ATP4A: variants seen among roughly 807,000 people sequenced by gnomAD.
ATP4A encodes ATPase H+/K+ transporting subunit alpha, also known as potassium-transporting ATPase alpha chain 1.
Under a neutral mutation model 112.1 loss-of-function variants are expected in ATP4A, and 73 were observed. The observed-to-expected ratio is 0.65, with a 90% CI of 0.54 to 0.79. ATP4A has a LOEUF of 0.79. Among genes scored for constraint, ATP4A ranks in the 30% least tolerant of loss-of-function variants. The probability of loss-of-function intolerance (pLI) is 0.00; values close to 1 mark genes in which losing one functional copy is unlikely to be tolerated. For synonymous variants in ATP4A, 588 were observed against 588.9 expected (o/e 1.00, Z 0.02); for missense variants, 1,081 against 1,425.9 (o/e 0.76, Z 3.90).
Position 35,560,255 on chromosome 19 carries a change from C to A in ATP4A, c.787+108G>T. 1 of 1,555,096 alleles carries A rather than the reference C, an allele frequency of 6.4e-7. No homozygotes were observed. Among genetic ancestry groups the A allele is most frequent in the South Asian group, 1.2e-5 (1 of 82,682 alleles). On this transcript the variant is annotated intron_variant, in intron 6 of 21. Transcript: ENST00000262623. This position sits in a 1 kb window ranked among gnomAD's most constrained non-coding sequence, Gnocchi z 5.1. ...GTGGCAGTCACGGGGAGGTGGCAGT[C>A]ATGCAGGAGAGAGACAGGGAGGCTG... is the stretch of plus-strand genomic sequence containing the variant.
At position 35,558,992 on chromosome 19, in the gene ATP4A, C is replaced by T. The variant is rs2071650902; in HGVS notation, c.1255+1G>A. 1.9e-6 allele frequency: 3 copies of T among 1,614,180 alleles called. No individual in the cohort carries two copies. Among genetic ancestry groups the T allele is most frequent in the East Asian group, 2.2e-5 (1 of 44,884 alleles). ...GCGCCTGTGCCCTCCCTCCCCCACACCTGACTGGTCTTCCGTGGTGTCAGC... is the reference window on the plus strand; with the variant it reads ...GCGCCTGTGCCCTCCCTCCCCCACATCTGACTGGTCTTCCGTGGTGTCAGC... On this transcript the variant is annotated splice_donor_variant, in intron 8 of 21. Coordinates refer to ENST00000262623, the MANE Select transcript of ATP4A (RefSeq NM_000704.3). LOFTEE classifies it high-confidence loss of function. The surrounding 1 kb of genome is among the most constrained non-coding windows in gnomAD (Gnocchi z 5.1).
chr19:35,557,014 G>T lies in ATP4A; in HGVS notation c.1768C>A (p.Pro590Thr), dbSNP rs780784378. Residue 590 changes from proline (P) to threonine (T), a missense_variant, in exon 12 of 22, where the codon CCA (proline) becomes ACA (threonine). Physicochemically the swap from Pro to Thr is conservative, Grantham distance 38. This residue lies in a region of ATP4A where 850 missense variants were observed against 1,068.2 expected (regional missense o/e 0.80). Transcript: ENST00000262623. This position sits in a 1 kb window ranked among gnomAD's most constrained non-coding sequence, Gnocchi z 4.4. ...YAFDVEAMNF[P>T]SSGLCFAGLV... is the part of the protein sequence containing the mutation. ...CCCGCAAAGCAGAGGCCGCTAGATGGAAAGTTCATGGCCTCTACGTCGAAG... is the reference window on the plus strand; with the variant it reads ...CCCGCAAAGCAGAGGCCGCTAGATGTAAAGTTCATGGCCTCTACGTCGAAG... 6.2e-7 allele frequency: 1 copy of T among 1,614,234 alleles called. No homozygotes were observed. Among genetic ancestry groups the T allele is most frequent in the Non-Finnish European group, 8.5e-7 (1 of 1,180,038 alleles).
At chr19:35,561,847 C>CTTTT (rs71167554) in intron 4 of ATP4A, among the ~76,000 whole-genome samples, 3 of 103,816 alleles carry the variant, frequency 2.9e-5, no homozygotes, top group South Asian at 6.6e-4. Context: ...AGTCCCATCT[C>CTTTT]TTTTTTTTTT....
intron 16 of ATP4A, among the ~76,000 whole-genome samples, chr19:35,554,631 TA>T (rs1289994368): frequency 6.6e-6 from 1 of 152,238 alleles, no homozygotes; most frequent in Non-Finnish European, 1.5e-5. Flanking sequence ...TTTGGCCAGA[TA>T]CCTGTTCTGT....
rs2071641161 is a variant in ATP4A at position 35,557,887 on chromosome 19, A to C, written c.1501-40T>G. On this transcript the variant is annotated intron_variant, in intron 10 of 21. Transcript: ENST00000262623. This position sits in a 1 kb window ranked among gnomAD's most constrained non-coding sequence, Gnocchi z 4.4. The stretch of plus-strand genomic sequence containing the variant: ...GAGAGGCGAGGCTGTGGACGGGGGA[A>C]CGGGGCGGGGCTGTGGACGAGGGAA... 592 of 634,538 alleles carry C rather than the reference A, an allele frequency of 9.3e-4. No homozygotes were observed. Among genetic ancestry groups the C allele is most frequent in the Middle Eastern group, 3.1e-3 (6 of 1,966 alleles). The allele number at this position is 634,538 out of a possible 1,614,324, so 39.3% of individuals were successfully genotyped here. A position where few individuals can be genotyped will look rare whatever the true frequency, so the allele number is the denominator to read the frequency against.
chr19:35,551,170 A>T lies in ATP4A; in HGVS notation c.2886-59T>A, dbSNP rs2071599714. 1 of 1,510,212 alleles carries T rather than the reference A, an allele frequency of 6.6e-7. No individual in the cohort carries two copies. The highest frequency in any genetic ancestry group is 9.0e-7 in the Non-Finnish European group (1 of 1,107,860). 93.6% of individuals were successfully genotyped at this position (1,510,212 alleles called of 1,614,324 possible). ...AATTGGGGACGTGATGGAAATCAGGATACTGTGGGTCAAAGTAGGTCAGAT... is the reference window on the plus strand; with the variant it reads ...AATTGGGGACGTGATGGAAATCAGGTTACTGTGGGTCAAAGTAGGTCAGAT... On this transcript the variant is annotated intron_variant, in intron 19 of 21. Coordinates refer to ENST00000262623, the MANE Select transcript of ATP4A (RefSeq NM_000704.3). This position sits in a 1 kb window ranked among gnomAD's most constrained non-coding sequence, Gnocchi z 5.2.
chr19:35,560,666 C>T lies in ATP4A; in HGVS notation c.535-51G>A. ...AGGTGGACGGGGGTGGGGGTGGGAGCTGCTGCATGTGGGGAGGTAAAGGAT... is the reference window on the plus strand; with the variant it reads ...AGGTGGACGGGGGTGGGGGTGGGAGTTGCTGCATGTGGGGAGGTAAAGGAT... On this transcript the variant is annotated intron_variant, in intron 5 of 21. Transcript: ENST00000262623. The surrounding 1 kb of genome is among the most constrained non-coding windows in gnomAD (Gnocchi z 5.1). The T allele has an allele frequency of 6.3e-7, 1 of 1,586,424 alleles. No individual in the cohort carries two copies. The highest frequency in any genetic ancestry group is 8.6e-7 in the Non-Finnish European group (1 of 1,162,480).
chr19:35,553,976 T>C, intron 16 of ATP4A, 147 bp from the exon 17 acceptor site: 1 of 1,193,278 alleles, frequency 8.4e-7, no homozygotes, highest in African/African-American at 1.5e-5. Context: ...CACACCAGCC[T>C]GGACAGCCTG....
chr19:35,561,648 A>G (rs534558234), intron 4 of ATP4A, among the ~76,000 whole-genome samples: 3 of 151,268 alleles, frequency 2.0e-5, no homozygotes, highest in Admixed American at 2.0e-4. Flanking sequence ...CATATGTCCA[A>G]TGTCCCTTGC....
chr19:35,553,017 T>A lies in ATP4A; in HGVS notation c.2751+20A>T. The stretch of plus-strand genomic sequence containing the variant: ...GGAAGGAGGGAGCCCAGGGATGGGA[T>A]GGGGCGGGGCAGGGCTCACCCACTC... On this transcript the variant is annotated intron_variant, in intron 18 of 21. Transcript: ENST00000262623. 1 of 1,569,856 alleles carries A rather than the reference T, an allele frequency of 6.4e-7. No homozygotes were observed. The highest frequency in any genetic ancestry group is 8.7e-7 in the Non-Finnish European group (1 of 1,149,968).
Position 35,559,869 on chromosome 19 carries a change from G to A in ATP4A, c.992C>T (p.Ala331Val). 1 of 1,614,208 alleles carries A rather than the reference G, an allele frequency of 6.2e-7. No homozygotes were observed. The highest frequency in any genetic ancestry group is 8.5e-7 in the Non-Finnish European group (1 of 1,180,030). Residue 331 changes from alanine (A) to valine (V), a missense_variant, in exon 7 of 22, where the codon GCC becomes GTC. By Grantham distance (64) the Ala-to-Val change is moderately conservative. Coordinates refer to ENST00000262623, the MANE Select transcript of ATP4A (RefSeq NM_000704.3). The surrounding 1 kb of genome is among the most constrained non-coding windows in gnomAD (Gnocchi z 4.1). ...AMCIGYTFLR[A>V]MVFFMAIVVA... ...CACGATGGCCATGAAGAAGACCATG[G>A]CCCGCAGGAAGGTGTAGCCAATGCA...
chr19:35,552,897 C>T (rs989925143), intron 18 of ATP4A, 140 bp downstream of exon 18: 24 of 1,120,154 alleles, frequency 2.1e-5, no homozygotes, highest in Admixed American at 1.4e-4. Flanking sequence ...CTTGCCCCCC[C>T]GAACTGGCAG....
rs1208669880 is a variant in ATP4A, at chr19:35,560,436, G to A, written c.714C>T (p.Arg238=). The A allele has an allele frequency of 6.2e-7, 1 of 1,613,924 alleles. No homozygotes were observed. The change falls in exon 6 of 22, where the codon CGC becomes CGT. Residue 238 remains arginine (R), a synonymous_variant. Coordinates refer to ENST00000262623, the MANE Select transcript of ATP4A (RefSeq NM_000704.3). The surrounding 1 kb of genome is among the most constrained non-coding windows in gnomAD (Gnocchi z 5.1). ...SLTGESEPQT[R]SPECTHESPL... ...GGCTCTCGTGCGTGCACTCGGGTGAGCGGGTCTGTGGCTCAGACTCCCCTG... is the reference window on the plus strand; with the variant it reads ...GGCTCTCGTGCGTGCACTCGGGTGAACGGGTCTGTGGCTCAGACTCCCCTG...
chr19:35,552,134 A>C (rs888503938), intron 18 of ATP4A, among the ~76,000 whole-genome samples: 1 of 152,090 alleles, frequency 6.6e-6, no homozygotes, highest in Non-Finnish European at 1.5e-5. Flanking sequence ...GCAACTTCCG[A>C]ATCCCAGGTT....
rs888887677 is a variant in ATP4A, at chr19:35,555,770, T to A, written c.1912A>T (p.Ile638Phe). The change falls in exon 13 of 22, where the codon ATT becomes TTT. Residue 638 changes from isoleucine (I) to phenylalanine (F), a missense_variant. Coordinates refer to ENST00000262623, the MANE Select transcript of ATP4A (RefSeq NM_000704.3). This position sits in a 1 kb window ranked among gnomAD's most constrained non-coding sequence, Gnocchi z 6.6. The stretch of plus-strand genomic sequence containing the variant: ...GAGATGATGCCCACACTGGCTGCAA[T>A]GGCCTTGGCGGTGATGGGGTGGTCA... ...TGDHPITAKA[I>F]AASVGIISEG... The A allele has an allele frequency of 1.4e-5, 22 of 1,613,688 alleles. No homozygotes were observed. The highest frequency in any genetic ancestry group is 1.9e-5 in the Non-Finnish European group (22 of 1,179,760).
intron 12 of ATP4A, among the ~76,000 whole-genome samples, chr19:35,556,467 A>G (rs2146308741): frequency 6.6e-6 from 1 of 152,296 alleles, no homozygotes; most frequent in Middle Eastern, 3.4e-3. Context: ...GTCCCTGGCT[A>G]AGATTGGGTA....
rs2071629547 is a variant in ATP4A at position 35,555,993 on chromosome 19, G to A, written c.1870-181C>T. Among the ~76,000 whole-genome samples the A allele has an allele frequency of 7.7e-6, 1 of 130,690 alleles. No individual in the cohort carries two copies. The highest frequency in any genetic ancestry group is 7.8e-5 in the Admixed American group (1 of 12,800). 85.7% of individuals were successfully genotyped at this position (130,690 alleles called of 152,430 possible). On this transcript the variant is annotated intron_variant, in intron 12 of 21. Transcript: ENST00000262623. This position sits in a 1 kb window ranked among gnomAD's most constrained non-coding sequence, Gnocchi z 6.6. The stretch of plus-strand genomic sequence containing the variant: ...ATCCCTGTCCTTGAGGAGCTCTAGT[G>A]AGGGTGACAGAAAATAAAGAAACGA...
rs762057852 is a variant in ATP4A at position 35,558,411 on chromosome 19, C to T, written c.1451G>A (p.Arg484His). 7 of 1,610,704 alleles carry T rather than the reference C, an allele frequency of 4.3e-6. No individual in the cohort carries two copies. Among genetic ancestry groups the T allele is most frequent in the Non-Finnish European group, 5.9e-6 (7 of 1,178,700 alleles). Residue 484 changes from arginine to histidine, a missense_variant, in exon 10 of 22, where the codon CGC (arginine) becomes CAC (histidine). By Grantham distance (29) the Arg-to-His change is conservative. Transcript: ENST00000262623. This position sits in a 1 kb window ranked among gnomAD's most constrained non-coding sequence, Gnocchi z 5.1. Reference protein sequence around the residue: ...TLGNAMGYRDRFPKVCEIPFN... With the variant: ...TLGNAMGYRDHFPKVCEIPFN... ...GGGTATCTCGCAGACTTTTGGGAAG[C>T]GGTCCCGGTAGCCCATGGCGTTGCC...
chr19:35,553,673 C>T (rs1303387988), intron 17 of ATP4A, 33 bp downstream of exon 17: 4 of 1,609,976 alleles, frequency 2.5e-6, no homozygotes, highest in Non-Finnish European at 3.4e-6. Flanking sequence ...CAGAGCCCCC[C>T]ACCTCCAGGC....
Sources: gnomAD v4.1 joint callset for allele counts (sites outside exome capture counted in the v4.1 genomes callset) on GRCh38, gnomAD v4.1.1 for gene constraint, gnomAD v4.1.1 regional missense constraint, Gnocchi (gnomAD v3.1) non-coding constraint, MANE v1.5 for transcripts, NCBI Gene and HGNC (gene_info 2026-07-23, HGNC 2026-07-21) for gene names.